Variants in NEO1 observed in about 807,000 individuals in gnomAD.
NEO1 encodes neogenin.
NEO1 carries 63 observed loss-of-function variants against 159.7 expected under a neutral mutation model. The observed-to-expected ratio is 0.39, with a 90% CI of 0.32 to 0.49. The LOEUF (loss-of-function observed/expected upper bound fraction) is 0.49, where lower values mean the gene tolerates loss of function less well. NEO1 is among the 20% of genes least tolerant of loss of function. The probability of loss-of-function intolerance (pLI) is 0.85; values close to 1 mark genes in which losing one functional copy is unlikely to be tolerated. For missense variants in NEO1, 1,615 were observed against 1,831.0 expected (o/e 0.88, Z 2.15); for synonymous variants, 633 against 662.0 (o/e 0.96, Z 0.67).
intron 7 of NEO1, among the ~76,000 whole-genome samples, chr15:73,227,659 A>G (rs981474266): frequency 2.0e-5 from 3 of 152,256 alleles, no homozygotes; most frequent in African/African-American, 7.2e-5. Context: ...GTCAGAGCGG[A>G]CAGCAATGCT....
intron 1 of NEO1, among the ~76,000 whole-genome samples, chr15:73,090,584 A>T (rs1488469987): frequency 1.3e-5 from 2 of 152,216 alleles, no homozygotes; most frequent in Admixed American, 1.3e-4. Context: ...CAGATGCTAT[A>T]ATTTTTAACC....
chr15:73,284,333 G>GCC (rs1381520595), intron 23 of NEO1, among the ~76,000 whole-genome samples: 27 of 152,246 alleles, frequency 1.8e-4, no homozygotes, highest in Admixed American at 1.5e-3. Flanking sequence ...TCTGCCCAAG[G>GCC]CAAGAATGCA....
At position 73,069,822 on chromosome 15, in the gene NEO1, A is replaced by G. The variant is rs149217290; in HGVS notation, c.130+17017A>G. On this transcript the variant is annotated intron_variant, in intron 1 of 28. Transcript: ENST00000261908. The stretch of plus-strand genomic sequence containing the variant: ...CAGAGTTTAGTAAGGTAGGTAGGAC[A>G]TGAGACAGAAAAGTAGAGGCATTAT... Among the ~76,000 whole-genome samples, 145 of 152,310 alleles carry G rather than the reference A, an allele frequency of 9.5e-4. 6 individuals are homozygous for G. In the East Asian group the frequency reaches 0.026, roughly 28 times the overall value.
intron 1 of NEO1, among the ~76,000 whole-genome samples, chr15:73,069,107 C>T (rs2068386862): frequency 6.7e-6 from 1 of 148,704 alleles, no homozygotes. Context: ...TCATGCGTCA[C>T]CATGGGCTAA....
At chr15:73,223,089 A>G (rs1298479338) in intron 7 of NEO1, among the ~76,000 whole-genome samples, 1 of 152,062 alleles carries the variant, frequency 6.6e-6, no homozygotes, top group Admixed American at 6.5e-5. Flanking sequence ...ATTTCCATGT[A>G]TTTGCATGGC....
chr15:73,160,790 G>A (rs944744847), intron 5 of NEO1, among the ~76,000 whole-genome samples: 1 of 152,104 alleles, frequency 6.6e-6, no homozygotes, highest in Non-Finnish European at 1.5e-5. Flanking sequence ...CTACCTAGAC[G>A]CTCTCCCAAA....
intron 1 of NEO1, among the ~76,000 whole-genome samples, chr15:73,094,732 C>G (rs2069903022): frequency 6.6e-6 from 1 of 152,300 alleles, no homozygotes; most frequent in South Asian, 2.1e-4. Context: ...GTGTTTCTTA[C>G]CATCTTCCTC....
rs779666296 is a variant in NEO1, at chr15:73,126,448, G to C, written c.756G>C (p.Leu252Phe). Residue 252 changes from leucine (L) to phenylalanine (F), a missense_variant, in exon 4 of 29, where the codon TTG becomes TTC. Leu to Phe is a conservative substitution (Grantham distance 22). Transcript: ENST00000261908. ...AGGTGATATCAGACTTGGTATTTTT[G>C]AAACAGCCTTCTCCCTTAGTCAGAG... ...DPEVISDLVF[L>F]KQPSPLVRVI... The C allele has an allele frequency of 6.3e-7, 1 of 1,594,484 alleles. No individual in the cohort carries two copies. Among genetic ancestry groups the C allele is most frequent in the Non-Finnish European group, 8.5e-7 (1 of 1,171,578 alleles).
chr15:73,071,224 C>A (rs1263588935), intron 1 of NEO1, among the ~76,000 whole-genome samples: 2 of 152,196 alleles, frequency 1.3e-5, no homozygotes, highest in African/African-American at 4.8e-5. Context: ...CAGGCATGAA[C>A]CATCGTGCCT....
At chr15:73,302,499 A>G (rs2042659390) in intron 28 of NEO1, 114 bp from the exon 29 acceptor site, 12 of 890,626 alleles carry the variant, frequency 1.3e-5, no homozygotes, top group Non-Finnish European at 2.1e-5. Flanking sequence ...GTTAGTAGCC[A>G]GTTTTCTGGG....
chr15:73,170,714 A>G (rs1056873691), intron 5 of NEO1, among the ~76,000 whole-genome samples: 18 of 152,196 alleles, frequency 1.2e-4, no homozygotes, highest in Non-Finnish European at 4.4e-5. Context: ...TTGAAAACGT[A>G]AGTGAAGGGA....
intron 3 of NEO1, 51 bp downstream of exon 3, chr15:73,122,851 C>G: frequency 6.3e-7 from 1 of 1,589,344 alleles, no homozygotes; most frequent in Non-Finnish European, 8.6e-7. Flanking sequence ...AATGGGTAAA[C>G]ATTGTTCTGT....
chr15:73,110,931 TCTC>T (rs1327310531), intron 1 of NEO1, among the ~76,000 whole-genome samples: 1 of 151,898 alleles, frequency 6.6e-6, no homozygotes, highest in African/African-American at 2.4e-5. Context: ...TAGAAAATAA[TCTC>T]CTGTTCCAAG....
chr15:73,139,151 A>G (rs2032123487), intron 5 of NEO1, among the ~76,000 whole-genome samples: 1 of 152,200 alleles, frequency 6.6e-6, no homozygotes, highest in Non-Finnish European at 1.5e-5. Context: ...AATCACATAT[A>G]CACCATACAC....
At chr15:73,112,163 A>T (rs2071033223) in intron 1 of NEO1, among the ~76,000 whole-genome samples, 1 of 151,918 alleles carries the variant, frequency 6.6e-6, no homozygotes, top group Admixed American at 6.6e-5. Flanking sequence ...TTCATTTTTC[A>T]CAGAACTGAT....
chr15:73,239,678 T>C (rs1045730757), intron 8 of NEO1, among the ~76,000 whole-genome samples: 1 of 152,166 alleles, frequency 6.6e-6, no homozygotes, highest in African/African-American at 2.4e-5. Flanking sequence ...GGCTATCCCA[T>C]ACAGCCTAGG....
intron 23 of NEO1, among the ~76,000 whole-genome samples, chr15:73,284,313 G>A (rs185589945): frequency 6.6e-6 from 1 of 152,298 alleles, no homozygotes; most frequent in Non-Finnish European, 1.5e-5. Context: ...GATTATCCAT[G>A]CAGACTTGAT....
At chr15:73,084,524 A>AT (rs1443582768) in intron 1 of NEO1, among the ~76,000 whole-genome samples, 2 of 152,012 alleles carry the variant, frequency 1.3e-5, no homozygotes, top group Non-Finnish European at 2.9e-5. Flanking sequence ...TATATATACC[A>AT]TTTTTTCCTT....
At position 73,178,510 on chromosome 15, in the gene NEO1, A is replaced by AT; in HGVS notation, c.1291+84dup. 2.0e-6 allele frequency: 3 copies of AT among 1,511,502 alleles called. No individual in the cohort carries two copies. The South Asian group carries it at 3.8e-5, about 19-fold the overall frequency. The allele number at this position is 1,511,502 out of a possible 1,614,324, so 93.6% of individuals were successfully genotyped here. On this transcript the variant is annotated intron_variant, in intron 7 of 28. Transcript: ENST00000261908. ...CATCCGTCCAAATAACTCATGATTG[A>AT]TAACCCATTAGTAAAGGCCAATATG...
Sources: gnomAD v4.1 joint callset for allele counts (sites outside exome capture counted in the v4.1 genomes callset) on GRCh38, gnomAD v4.1.1 for gene constraint, MANE v1.5 for transcripts, NCBI Gene and HGNC (gene_info 2026-07-23, HGNC 2026-07-21) for gene names.